RANGAP1: variants seen among roughly 807,000 people sequenced by gnomAD.
RANGAP1 encodes the protein Ran GTPase activating protein 1.
A neutral mutation model predicts 63.5 loss-of-function variants in RANGAP1; 38 were observed. The observed-to-expected ratio is 0.60, with a 90% confidence interval of 0.46 to 0.78. RANGAP1 has a LOEUF of 0.78. RANGAP1 is among the 30% of genes least tolerant of loss of function. The pLI, the probability that RANGAP1 is intolerant of heterozygous loss-of-function variation, is 0.00. For missense variants in RANGAP1, 630 were observed against 740.3 expected, an observed-to-expected ratio of 0.85 and a Z score of 1.73; for synonymous variants, 329 against 310.5, an observed-to-expected ratio of 1.06 and a Z score of -0.63.
chr22:41,271,396 C>CAAAAAAAAAAAA, intron 3 of RANGAP1, among the ~76,000 whole-genome samples: 1 of 133,874 alleles, frequency 7.5e-6, no homozygotes, highest in Non-Finnish European at 1.6e-5. Flanking sequence ...TAAAAAAAAA[C>CAAAAAAAAAAAA]AAAAAAAAAA....
At chr22:41,284,115 C>T (rs1236879814) in intron 1 of RANGAP1, among the ~76,000 whole-genome samples, 4 of 151,904 alleles carry the variant, frequency 2.6e-5, no homozygotes, top group Non-Finnish European at 5.9e-5. Context: ...GGCCTGGTGG[C>T]GGGGGCCTGT....
At chr22:41,271,692 CAAAA>C (rs55943126) in intron 3 of RANGAP1, among the ~76,000 whole-genome samples, 1 of 113,040 alleles carries the variant, frequency 8.8e-6, no homozygotes, top group Non-Finnish European at 1.9e-5. Context: ...GACTCCGTCT[CAAAA>C]AAAAAAAAAA....
intron 1 of RANGAP1, among the ~76,000 whole-genome samples, chr22:41,284,293 T>G (rs1262367741): frequency 2.0e-5 from 3 of 151,256 alleles, no homozygotes; most frequent in Non-Finnish European, 4.4e-5. Flanking sequence ...CCAGGCCGGG[T>G]GCGGTAGCTC....
intron 6 of RANGAP1, among the ~76,000 whole-genome samples, chr22:41,259,490 G>C (rs1398991498): frequency 1.3e-5 from 2 of 152,112 alleles, no homozygotes; most frequent in Non-Finnish European, 2.9e-5. Flanking sequence ...AGTTGGAACA[G>C]TTATCAAAAC....
In RANGAP1 at chr22:41,252,950, G is replaced by C; in HGVS notation, c.1302C>G (p.Val434=). The change falls in exon 12 of 16, where the codon GTC becomes GTG. Residue 434 remains valine (V), a synonymous_variant. Transcript: ENST00000356244. Reference sequence around the variant, plus strand: ...GAGAGGGAAAAGCCAGGAAGGTGGAGACGTCTGCAGGAGGTGGGGAGGACA... The same window carrying C: ...GAGAGGGAAAAGCCAGGAAGGTGGACACGTCTGCAGGAGGTGGGGAGGACA... ...PVLSSPPPAD[V]STFLAFPSPE... The C allele has an allele frequency of 4.5e-6, 7 of 1,547,756 alleles. No homozygotes were observed. The highest frequency in any genetic ancestry group is 6.1e-6 in the Non-Finnish European group (7 of 1,149,848).
At chr22:41,251,199 C>T (rs1308006406) in intron 12 of RANGAP1, 90 bp from the exon 13 acceptor site, 39 of 997,224 alleles carry the variant, frequency 3.9e-5, no homozygotes, top group Non-Finnish European at 5.5e-5. Context: ...CTGGGCAGTA[C>T]AAAGGCCCCT....
chr22:41,249,559 G>A (rs1011136035), intron 14 of RANGAP1, 108 bp from the exon 15 acceptor site: 110 of 1,563,022 alleles, frequency 7.0e-5, no homozygotes, highest in Middle Eastern at 1.7e-4. Context: ...GAGTCTAGCC[G>A]GAATCTCATC....
At chr22:41,289,487 G>T (rs1200614094), upstream of RANGAP1, among the ~76,000 whole-genome samples, 2 of 151,960 alleles carry the variant, frequency 1.3e-5, no homozygotes, top group African/African-American at 4.8e-5. Flanking sequence ...GCTGGGCATG[G>T]TGGCAGACAC....
intron 6 of RANGAP1, among the ~76,000 whole-genome samples, chr22:41,261,212 G>A (rs2034148416): frequency 6.6e-6 from 1 of 152,236 alleles, no homozygotes. Flanking sequence ...CATAGGGGCT[G>A]GCTCACCAGT....
chr22:41,297,233 A>G, the RANGAP1 span, among the ~76,000 whole-genome samples: 7 of 152,268 alleles, frequency 4.6e-5, no homozygotes, highest in East Asian at 1.4e-3. Flanking sequence ...GCAAAAGTCA[A>G]TGTCCCAGCT....
chr22:41,279,731 G>A (rs370604886), intron 2 of RANGAP1, among the ~76,000 whole-genome samples: 1 of 150,560 alleles, frequency 6.6e-6, no homozygotes, highest in East Asian at 1.9e-4. Flanking sequence ...GAACCTGGGA[G>A]ACAGAAGTTG....
At chr22:41,301,446 C>T in the RANGAP1 span, 2 of 152,344 alleles carry the variant, frequency 1.3e-5, no homozygotes, top group East Asian at 3.9e-4. Flanking sequence ...CCCAGGTGCG[C>T]AGCCCGCGCC....
intron 5 of RANGAP1, among the ~76,000 whole-genome samples, chr22:41,263,137 C>T (rs1198667318): frequency 2.6e-5 from 4 of 152,164 alleles, no homozygotes; most frequent in Non-Finnish European, 5.9e-5. Flanking sequence ...GGGTCCAAAA[C>T]TCATTCCCCA....
chr22:41,265,473 G>A (rs1372716366), intron 4 of RANGAP1, among the ~76,000 whole-genome samples: 2 of 152,212 alleles, frequency 1.3e-5, no homozygotes, highest in African/African-American at 4.8e-5. Flanking sequence ...GACAAGTGTG[G>A]GAGAGGAGCT....
At chr22:41,292,890 G>T in the RANGAP1 span, among the ~76,000 whole-genome samples, 1 of 151,592 alleles carries the variant, frequency 6.6e-6, no homozygotes, top group Non-Finnish European at 1.5e-5. Context: ...GATTGCTTGA[G>T]CCCAGGAGTT....
chr22:41,294,476 C>G, the RANGAP1 span, among the ~76,000 whole-genome samples: 1 of 151,036 alleles, frequency 6.6e-6, no homozygotes, highest in African/African-American at 2.4e-5. Context: ...GCCGCCACCC[C>G]GTCTGGGAAG....
At chr22:41,270,473 G>C (rs969013162) in intron 3 of RANGAP1, among the ~76,000 whole-genome samples, 1 of 152,034 alleles carries the variant, frequency 6.6e-6, no homozygotes. Flanking sequence ...TTTGAGACAG[G>C]GTCTCACTCT....
intron 3 of RANGAP1, among the ~76,000 whole-genome samples, chr22:41,268,825 C>T (rs1054739063): frequency 3.9e-5 from 6 of 151,932 alleles, no homozygotes; most frequent in Admixed American, 6.6e-5. Context: ...GAGGCCGAGG[C>T]GGGCAGATCA....
At chr22:41,261,159 G>A (rs750118393) in intron 6 of RANGAP1, among the ~76,000 whole-genome samples, 9 of 152,250 alleles carry the variant, frequency 5.9e-5, no homozygotes, top group Non-Finnish European at 1.2e-4. Context: ...GAGCCTGGCA[G>A]ATGACACTCC....
Sources: allele counts gnomAD v4.1 joint callset (sites outside exome capture counted in the v4.1 genomes callset), GRCh38; gene constraint gnomAD v4.1.1; transcripts MANE v1.5; gene names NCBI Gene and HGNC (gene_info 2026-07-23, HGNC 2026-07-21).